PRL: variants seen among roughly 807,000 people sequenced by gnomAD.
PRL encodes decidual prolactin.
Under a neutral mutation model 21.3 loss-of-function variants are expected in PRL, and 24 were observed. The ratio of observed to expected loss-of-function variants is 1.13; its 90% CI spans 0.82 to 1.59. The LOEUF (loss-of-function observed/expected upper bound fraction) is 1.59, where lower values mean the gene tolerates loss of function less well. PRL is among the 40% of genes most tolerant of loss of function. The probability of loss-of-function intolerance (pLI) is 0.00; values close to 1 mark genes in which losing one functional copy is unlikely to be tolerated. For missense variants in PRL, 243 were observed against 286.9 expected (o/e 0.85, Z 1.10); for synonymous variants, 118 against 115.7 (o/e 1.02, Z -0.13).
rs1760967558 is a variant in PRL at position 22,288,322 on chromosome 6, T to C, written c.493-729A>G. ...GCAGAGGCAGGTGGATCACTTGAGG[T>C]CAGGAGTTCAAGACCAGCCTGGCCA... On this transcript the variant is annotated intron_variant, in intron 4 of 4. Coordinates refer to ENST00000306482, the MANE Select transcript of PRL (RefSeq NM_000948.6). This position sits in a 1 kb window ranked among gnomAD's most constrained non-coding sequence, Gnocchi z 4.5. Among the ~76,000 whole-genome samples, 1 of 151,862 alleles carries C rather than the reference T, an allele frequency of 6.6e-6. No homozygotes were observed.
chr6:22,289,350 T>C (rs1760998985), intron 4 of PRL, among the ~76,000 whole-genome samples: 1 of 152,206 alleles, frequency 6.6e-6, no homozygotes, highest in Admixed American at 6.5e-5. Flanking sequence ...TTTCTTTAGA[T>C]GGTACATTAT....
At chr6:22,297,903 C>G (rs745584036), upstream of PRL, among the ~76,000 whole-genome samples, 3 of 152,186 alleles carry the variant, frequency 2.0e-5, no homozygotes, top group Non-Finnish European at 4.4e-5. Context: ...AATGAAGGAA[C>G]AATTATTACT....
Position 22,294,352 on chromosome 6 carries a change from G to A in PRL, c.204+57C>T, listed in dbSNP as rs976316655. On this transcript the variant is annotated intron_variant, in intron 2 of 4. Transcript: ENST00000306482. ...GTTTTCTAGGTTAACATGTAGCAGA[G>A]CCCAGTAGTTCATGTGAAGGCTCCT... 2.5e-6 allele frequency: 4 copies of A among 1,596,290 alleles called. No individual in the cohort carries two copies. The African/African-American group carries it at 5.4e-5, about 21-fold the overall frequency.
At chr6:22,293,653 AGG>A (rs1761106706) in intron 2 of PRL, among the ~76,000 whole-genome samples, 19 of 76,500 alleles carry the variant, frequency 2.5e-4, no homozygotes, top group East Asian at 5.3e-4. Flanking sequence ...GAAGGAAGGA[AGG>A]AAGGAAGGAA....
chr6:22,300,052 C>T (rs1335326199), upstream of PRL, among the ~76,000 whole-genome samples: 1 of 151,986 alleles, frequency 6.6e-6, no homozygotes, highest in Non-Finnish European at 1.5e-5. Context: ...TTGAAAAATT[C>T]TGAATAGTCG....
At chr6:22,300,993 C>T (rs959067440), upstream of PRL, among the ~76,000 whole-genome samples, 1 of 152,306 alleles carries the variant, frequency 6.6e-6, no homozygotes, top group Non-Finnish European at 1.5e-5. Context: ...TCTCCACAAA[C>T]GTAAATCTCA....
intron 2 of PRL, among the ~76,000 whole-genome samples, 171 bp downstream of exon 2, chr6:22,294,238 G>T (rs1034929656): frequency 1.3e-5 from 2 of 152,110 alleles, no homozygotes; most frequent in African/African-American, 4.8e-5. Context: ...AGATTTCATG[G>T]CACTGTCCCT....
upstream of PRL, among the ~76,000 whole-genome samples, chr6:22,300,945 A>G (rs1487276963): frequency 6.6e-6 from 1 of 152,250 alleles, no homozygotes; most frequent in Non-Finnish European, 1.5e-5. Context: ...AATGCCTGAT[A>G]TAAAATAATG....
chr6:22,295,722 C>G (rs969214005), intron 1 of PRL, among the ~76,000 whole-genome samples: 3 of 152,194 alleles, frequency 2.0e-5, no homozygotes, highest in Non-Finnish European at 4.4e-5. Context: ...ATTAAAATCA[C>G]TTGTTAACTT....
At position 22,293,658 on chromosome 6, in the gene PRL, G is replaced by GGAAGGAAA. The variant is rs1561755491; in HGVS notation, c.204+750_204+751insTTTCCTTC. Among the ~76,000 whole-genome samples the GGAAGGAAA allele has an allele frequency of 7.2e-3, 229 of 31,636 alleles. 3 individuals carry two copies. The highest frequency in any genetic ancestry group is 0.028 in the African/African-American group (204 of 7,354). 20.8% of individuals were successfully genotyped at this position (31,636 alleles called of 152,430 possible). On this transcript the variant is annotated intron_variant, in intron 2 of 4. Coordinates refer to ENST00000306482, the MANE Select transcript of PRL (RefSeq NM_000948.6). ...AGGAAGGAAGGAAGGAAGGAAGGAA[G>GGAAGGAAA]GAAGGAAGGAAGGAGGGAAGGAAGG...
At position 22,288,225 on chromosome 6, in the gene PRL, C is replaced by T. The variant is rs368358085; in HGVS notation, c.493-632G>A. ...TTGAGGTCCCTGGGCTGGGAGGTGCCGGGAAAAGCACCTACAAGGAAAGGG... is the reference window on the plus strand; with the variant it reads ...TTGAGGTCCCTGGGCTGGGAGGTGCTGGGAAAAGCACCTACAAGGAAAGGG... On this transcript the variant is annotated intron_variant, in intron 4 of 4. Coordinates refer to ENST00000306482, the MANE Select transcript of PRL (RefSeq NM_000948.6). The surrounding 1 kb of genome is among the most constrained non-coding windows in gnomAD (Gnocchi z 4.5). Among the ~76,000 whole-genome samples the T allele has an allele frequency of 6.6e-6, 1 of 151,878 alleles. No homozygotes were observed. The highest frequency in any genetic ancestry group is 2.4e-5 in the African/African-American group (1 of 41,326).
chr6:22,301,419 A>G (rs1324444845), upstream of PRL, among the ~76,000 whole-genome samples: 1 of 152,056 alleles, frequency 6.6e-6, no homozygotes, highest in Non-Finnish European at 1.5e-5. Context: ...TGATGTTTTT[A>G]TTGTTTCATA....
chr6:22,300,639 T>C (rs1276505924), upstream of PRL, among the ~76,000 whole-genome samples: 5 of 152,218 alleles, frequency 3.3e-5, no homozygotes, highest in African/African-American at 7.2e-5. Context: ...TAATAAGACA[T>C]GCTTTTGTTT....
chr6:22,292,623 C>T lies in PRL; in HGVS notation c.227G>A (p.Arg76Gln), dbSNP rs570230762. The T allele has an allele frequency of 1.4e-5, 23 of 1,613,894 alleles. No homozygotes were observed. The highest frequency in any genetic ancestry group is 1.6e-4 in the Middle Eastern group (1 of 6,062). Reference sequence around the variant, plus strand: ...GTTGATGGCCTTGGTAATGAACCCCCGGCCATGGGTATACCGTTTATCCTG... The same window carrying T: ...GTTGATGGCCTTGGTAATGAACCCCTGGCCATGGGTATACCGTTTATCCTG... ...SEFDKRYTHG[R>Q]GFITKAINSC... The change falls in exon 3 of 5, where the codon CGG (arginine) becomes CAG (glutamine). Residue 76 changes from arginine (R) to glutamine (Q), a missense_variant. By Grantham distance (43) the Arg-to-Gln change is conservative. Transcript: ENST00000306482.
At chr6:22,297,940 G>A (rs1377115556), upstream of PRL, among the ~76,000 whole-genome samples, 1 of 152,180 alleles carries the variant, frequency 6.6e-6, no homozygotes, top group Non-Finnish European at 1.5e-5. Context: ...GTCATATGAG[G>A]AAGGCTGGGA....
intron 4 of PRL, among the ~76,000 whole-genome samples, chr6:22,289,183 T>C (rs1760996161): frequency 6.6e-6 from 1 of 152,218 alleles, no homozygotes; most frequent in Admixed American, 6.5e-5. Flanking sequence ...TCAAGGTATT[T>C]ATTTCACACA....
At chr6:22,290,589 A>G (rs1201705449) in intron 3 of PRL, among the ~76,000 whole-genome samples, 1 of 152,130 alleles carries the variant, frequency 6.6e-6, no homozygotes, top group African/African-American at 2.4e-5. Flanking sequence ...TTCTAATGAG[A>G]GTTCTAATTG....
intron 1 of PRL, among the ~76,000 whole-genome samples, chr6:22,295,631 C>G (rs1464201658): frequency 2.0e-5 from 3 of 152,140 alleles, no homozygotes; most frequent in Admixed American, 2.0e-4. Context: ...AATTTGCTAT[C>G]TCAGCAAATG....
rs980784019 is a variant in PRL at position 22,294,525 on chromosome 6, G to A, written c.88C>T (p.Pro30Ser). 3 of 1,613,822 alleles carry A rather than the reference G, an allele frequency of 1.9e-6. No individual in the cohort carries two copies. The highest frequency in any genetic ancestry group is 2.7e-5 in the African/African-American group (2 of 74,936). ...LLLCQSVAPL[P>S]ICPGGAARCQ... Reference sequence around the variant, plus strand: ...CGGGCAGCCCCGCCGGGACAGATGGGCAAGGGGGCCACGCTCTGGCACAGG... The same window carrying A: ...CGGGCAGCCCCGCCGGGACAGATGGACAAGGGGGCCACGCTCTGGCACAGG... Residue 30 changes from proline to serine, a missense_variant, in exon 2 of 5, where the codon CCC (proline) becomes TCC (serine). Physicochemically the swap from Pro to Ser is moderately conservative, Grantham distance 74. Transcript: ENST00000306482.
Sources: gnomAD v4.1 joint callset for allele counts (sites outside exome capture counted in the v4.1 genomes callset) on GRCh38, gnomAD v4.1.1 for gene constraint, Gnocchi (gnomAD v3.1) non-coding constraint, MANE v1.5 for transcripts, NCBI Gene and HGNC (gene_info 2026-07-23, HGNC 2026-07-21) for gene names.